Variants in FOXO3 observed in about 807,000 individuals in gnomAD.
FOXO3 encodes the protein forkhead box protein O3.
Under a neutral mutation model 41.9 loss-of-function variants are expected in FOXO3, and 4 were observed. That is an observed-to-expected ratio of 0.10 (90% CI 0.05 to 0.22). The LOEUF (loss-of-function observed/expected upper bound fraction) is 0.22, where lower values mean the gene tolerates loss of function less well. FOXO3 is among the 10% of genes least tolerant of loss of function. The probability of loss-of-function intolerance (pLI) is 1.00; values close to 1 mark genes in which losing one functional copy is unlikely to be tolerated. For missense variants in FOXO3, 534 were observed against 906.8 expected, an observed-to-expected ratio of 0.59 and a Z score of 5.28; for synonymous variants, 318 against 389.3, an observed-to-expected ratio of 0.82 and a Z score of 2.16.
chr6:108,641,755 C>T (rs1339400081), intron 1 of FOXO3, among the ~76,000 whole-genome samples: 1 of 151,940 alleles, frequency 6.6e-6, no homozygotes, highest in Non-Finnish European at 1.5e-5. Context: ...CATCCTCAAG[C>T]CTGTGGTGTA....
intron 1 of FOXO3, among the ~76,000 whole-genome samples, chr6:108,640,205 G>A (rs909833583): frequency 1.3e-5 from 2 of 152,178 alleles, no homozygotes; most frequent in Non-Finnish European, 2.9e-5. Context: ...CCTTTCATTG[G>A]ATAAGAAAGG....
At chr6:108,615,582 G>C (rs1777475198) in intron 1 of FOXO3, among the ~76,000 whole-genome samples, 1 of 151,018 alleles carries the variant, frequency 6.6e-6, no homozygotes, top group African/African-American at 2.4e-5. Flanking sequence ...GGAGTTTGTT[G>C]AGTTTTTCTT....
chr6:108,581,932 A>T (rs551914119), intron 1 of FOXO3, among the ~76,000 whole-genome samples: 1 of 152,314 alleles, frequency 6.6e-6, no homozygotes, highest in Admixed American at 6.5e-5. Flanking sequence ...GGTATTTCTC[A>T]TCTGCATGAA....
chr6:108,564,197 C>T (rs1452431176), intron 1 of FOXO3, among the ~76,000 whole-genome samples: 1 of 152,212 alleles, frequency 6.6e-6, no homozygotes, highest in Non-Finnish European at 1.5e-5. Context: ...TCAAAAGATG[C>T]AGCCATGCAG....
intron 1 of FOXO3, 58 bp from the exon 2 acceptor site, chr6:108,663,397 G>A: frequency 6.6e-7 from 1 of 1,524,836 alleles, no homozygotes; most frequent in African/African-American, 1.4e-5. Context: ...TATATCATCT[G>A]GGTGCTCGGT....
In FOXO3 at chr6:108,684,198, T is replaced by C. The variant is rs1430585384; in HGVS notation, c.*4406T>C. 1 of 152,616 alleles carries C rather than the reference T, an allele frequency of 6.6e-6. No individual in the cohort carries two copies. The highest frequency in any genetic ancestry group is 1.5e-5 in the Non-Finnish European group (1 of 68,038). 9.5% of individuals were successfully genotyped at this position (152,616 alleles called of 1,614,324 possible). A position where few individuals can be genotyped will look rare whatever the true frequency, so the allele number is the denominator to read the frequency against. On this transcript the variant is annotated 3_prime_UTR_variant, in exon 3 of 3. Coordinates refer to ENST00000406360, the MANE Select transcript of FOXO3 (RefSeq NM_001455.4). The stretch of plus-strand genomic sequence containing the variant: ...TATCTCATTGCCTGGCAATCAGTCT[T>C]CTCTTGTATACTTGTCCTAGCACAT...
chr6:108,588,960 GTATT>G (rs1203359278), intron 1 of FOXO3, among the ~76,000 whole-genome samples: 1 of 152,220 alleles, frequency 6.6e-6, no homozygotes, highest in African/African-American at 2.4e-5. Flanking sequence ...TAGTTCTTCA[GTATT>G]TATTAGGTAA....
rs549063491 is a variant in FOXO3 at position 108,566,525 on chromosome 6, G to A, written c.621+4696G>A. 7.9e-5 allele frequency among the ~76,000 whole-genome samples: 12 copies of A among 152,214 alleles called. No homozygotes were observed. The East Asian group carries it at 2.3e-3, about 29-fold the overall frequency. ...CAAAGATAAGGCTGTTTAGGCTTGA[G>A]CCCAGGAGTTCAAGACCAGCTTGGG... On this transcript the variant is annotated intron_variant, in intron 1 of 2. Transcript: ENST00000406360.
intron 1 of FOXO3, among the ~76,000 whole-genome samples, chr6:108,652,453 T>C (rs1395579444): frequency 2.0e-5 from 3 of 152,222 alleles, no homozygotes; most frequent in Non-Finnish European, 4.4e-5. Context: ...CACACAGATT[T>C]TGTAGTCTTT....
At position 108,595,363 on chromosome 6, in the gene FOXO3, T is replaced by G. The variant is rs572114098; in HGVS notation, c.621+33534T>G. ...CTCCCTTCTTCAGCTTAAGCTAAATTTAGTGATACATAGAAAAAGTTTGGG... is the reference window on the plus strand; with the variant it reads ...CTCCCTTCTTCAGCTTAAGCTAAATGTAGTGATACATAGAAAAAGTTTGGG... On this transcript the variant is annotated intron_variant, in intron 1 of 2. Coordinates refer to ENST00000406360, the MANE Select transcript of FOXO3 (RefSeq NM_001455.4). 5.3e-5 allele frequency among the ~76,000 whole-genome samples: 8 copies of G among 152,320 alleles called. No individual in the cohort carries two copies. In the East Asian group the frequency reaches 1.5e-3, roughly 29 times the overall value.
At chr6:108,649,005 T>A (rs1343311697) in intron 1 of FOXO3, among the ~76,000 whole-genome samples, 8 of 88,260 alleles carry the variant, frequency 9.1e-5, no homozygotes, top group African/African-American at 2.9e-4. Flanking sequence ...GGAACCTATC[T>A]CTTAAAAAAA....
chr6:108,561,085 G>A lies in FOXO3; in HGVS notation c.-124G>A. On this transcript the variant is annotated 5_prime_UTR_variant, in exon 1 of 3. Transcript: ENST00000406360. ...TTCTCTCTTCTTTGGTGCTTCCCCA[G>A]GCGGCGGCGGCGGCGCCCGGGAGCC... The A allele has an allele frequency of 7.1e-7, 1 of 1,413,192 alleles. No homozygotes were observed. 87.5% of individuals were successfully genotyped at this position (1,413,192 alleles called of 1,614,324 possible). A position where few individuals can be genotyped will look rare whatever the true frequency, so the allele number is the denominator to read the frequency against.
At chr6:108,592,996 A>C (rs966082325) in intron 1 of FOXO3, among the ~76,000 whole-genome samples, 2 of 152,232 alleles carry the variant, frequency 1.3e-5, no homozygotes, top group Admixed American at 1.3e-4. Context: ...TTAGGAATGC[A>C]TAATTTAGTG....
chr6:108,608,404 T>C (rs1372451423), intron 1 of FOXO3, among the ~76,000 whole-genome samples: 1 of 152,226 alleles, frequency 6.6e-6, no homozygotes, highest in Non-Finnish European at 1.5e-5. Context: ...GAATTGTCTT[T>C]TGTCCCCAGA....
At chr6:108,592,811 C>CG in intron 1 of FOXO3, among the ~76,000 whole-genome samples, 1 of 152,276 alleles carries the variant, frequency 6.6e-6, no homozygotes, top group Admixed American at 6.5e-5. Flanking sequence ...TTCAGAGTCT[C>CG]TGAGAAGCCA....
chr6:108,619,027 G>A (rs945842311), intron 1 of FOXO3, among the ~76,000 whole-genome samples: 4 of 152,196 alleles, frequency 2.6e-5, no homozygotes, highest in African/African-American at 9.7e-5. Context: ...ACTGTTCTCA[G>A]AAATTAAGTC....
chr6:108,639,074 C>G (rs150907445), intron 1 of FOXO3, among the ~76,000 whole-genome samples: 1 of 152,130 alleles, frequency 6.6e-6, no homozygotes, highest in South Asian at 2.1e-4. Context: ...AGACTTTTCA[C>G]GTTAATGGAC....
intron 1 of FOXO3, among the ~76,000 whole-genome samples, chr6:108,628,925 A>G (rs1777884587): frequency 6.6e-6 from 1 of 152,076 alleles, no homozygotes. Flanking sequence ...AGGCATGGAC[A>G]GTCTTTTTTT....
intron 1 of FOXO3, among the ~76,000 whole-genome samples, chr6:108,603,286 A>G (rs1273911089): frequency 6.6e-6 from 1 of 152,220 alleles, no homozygotes; most frequent in Non-Finnish European, 1.5e-5. Context: ...TCCCATTCTT[A>G]CAAATAAATG....
Sources: allele counts gnomAD v4.1 joint callset (sites outside exome capture counted in the v4.1 genomes callset), GRCh38; gene constraint gnomAD v4.1.1; transcripts MANE v1.5; gene names NCBI Gene and HGNC (gene_info 2026-07-23, HGNC 2026-07-21).